PMM1: variants seen among roughly 807,000 people sequenced by gnomAD.
PMM1 encodes the protein brain glucose-1,6-bisphosphatase.
PMM1 carries 25 observed loss-of-function variants against 34.0 expected under a neutral mutation model. That is an observed-to-expected ratio of 0.73 (90% CI 0.54 to 1.03). PMM1 has a LOEUF of 1.03. PMM1 is among the 50% of genes least tolerant of loss of function. PMM1 has a pLI of 0.00. For synonymous variants in PMM1, 134 were observed against 143.9 expected, an observed-to-expected ratio of 0.93 and a Z score of 0.49; for missense variants, 321 against 350.1, an observed-to-expected ratio of 0.92 and a Z score of 0.66.
chr22:41,577,368 C>T lies in PMM1; in HGVS notation c.739G>A (p.Val247Met). Residue 247 changes from valine to methionine, a missense_variant, in exon 8 of 8, where the codon GTG (valine) becomes ATG (methionine). Physicochemically the swap from Val to Met is conservative, Grantham distance 21. Transcript: ENST00000216259. ...AAGAAAATCTCCCGGCATCGCTGCA[C>T]CGTGTCCTGAGGAGACACCACGCTG... is the stretch of plus-strand genomic sequence containing the variant. ...GHSVVSPQDT[V>M]QRCREIFFPE... The T allele has an allele frequency of 6.2e-7, 1 of 1,613,030 alleles. No homozygotes were observed. Among genetic ancestry groups the T allele is most frequent in the Non-Finnish European group, 8.5e-7 (1 of 1,180,028 alleles).
chr22:41,586,137 G>T lies in PMM1; in HGVS notation c.144C>A (p.Ile48=). The part of the protein sequence containing the change: ...FLQKLRSRVQ[I]GVVGGSDYCK... ...AGTAGTCAGAGCCGCCCACCACACC[G>T]ATCTGCACTCTACTTCGTAGCTTCT... Residue 48 remains isoleucine (I), a synonymous_variant, in exon 2 of 8, where the codon ATC becomes ATA. Transcript: ENST00000216259. 3.7e-6 allele frequency: 6 copies of T among 1,612,854 alleles called. No homozygotes were observed. Among genetic ancestry groups the T allele is most frequent in the Non-Finnish European group, 5.1e-6 (6 of 1,179,630 alleles).
At chr22:41,582,960 G>A (rs2067262892) in intron 5 of PMM1, among the ~76,000 whole-genome samples, 1 of 152,122 alleles carries the variant, frequency 6.6e-6, no homozygotes, top group African/African-American at 2.4e-5. Flanking sequence ...GGTTTAGCAG[G>A]GGCAGTACAG....
intron 1 of PMM1, among the ~76,000 whole-genome samples, chr22:41,588,274 C>G (rs761931650): frequency 7.0e-4 from 107 of 152,358 alleles, no homozygotes; most frequent in Non-Finnish European, 1.2e-3. Context: ...GGCTGTAGTG[C>G]AATGGCACAT....
At chr22:41,586,471 A>AAG (rs1555898794) in intron 1 of PMM1, 5 of 423,340 alleles carry the variant, frequency 1.2e-5, no homozygotes, top group East Asian at 1.0e-4. Context: ...GAAAAAAAAA[A>AAG]TTTTTTTGGA....
At chr22:41,584,179 C>CA (rs1219570506) in intron 4 of PMM1, 102 bp downstream of exon 4, 13 of 1,326,836 alleles carry the variant, frequency 9.8e-6, no homozygotes, top group South Asian at 4.7e-5. Context: ...ACACTCCCCG[C>CA]AAAAAATCAG....
Position 41,577,223 on chromosome 22 carries a change from AGAG to A in PMM1, c.*92_*94del. The stretch of plus-strand genomic sequence containing the variant: ...GGGCTTGCAGCAGGCGTCCTGGGCC[AGAG>A]GAGGGGCCCTGGCATCTATCCAACA... On this transcript the variant is annotated 3_prime_UTR_variant, in exon 8 of 8. Transcript: ENST00000216259. 9 of 1,550,862 alleles carry A rather than the reference AGAG, an allele frequency of 5.8e-6. No individual in the cohort carries two copies. The highest frequency in any genetic ancestry group is 7.9e-6 in the Non-Finnish European group (9 of 1,133,302).
chr22:41,577,406 CG>C lies in PMM1; in HGVS notation c.700del (p.Arg234GlyfsTer55). 2 of 1,612,544 alleles carry C rather than the reference CG, an allele frequency of 1.2e-6. No individual in the cohort carries two copies. ...AGACACCACGCTGTGGCCAACAGTC[CG>C]GGGGTCGGCAAAGATCTCAAAGTCG... is the stretch of plus-strand genomic sequence containing the variant. ...GNDFEIFADP[R>X]TVGHSVVSPQ... On this transcript the variant is annotated frameshift_variant, in exon 8 of 8. Transcript: ENST00000216259. LOFTEE classifies it high-confidence loss of function.
In PMM1 at chr22:41,584,563, C is replaced by T. The variant is rs146168181; in HGVS notation, c.246G>A (p.Thr82=). ...KFDYVFAENG[T]VQYKHGRLLS... is the part of the protein sequence containing the mutation. ...GCAGTCGTCCGTGCTTATACTGCAC[C>T]GTCCCGTTCTCGGCAAACACATAAT... The change falls in exon 3 of 8, where the codon ACG becomes ACA. Residue 82 remains threonine (T), a synonymous_variant. Coordinates refer to ENST00000216259, the MANE Select transcript of PMM1 (RefSeq NM_002676.3). The T allele has an allele frequency of 2.2e-4, 359 of 1,613,884 alleles. 1 individual carries two copies. In the African/African-American group the frequency reaches 3.5e-3, roughly 16 times the overall value.
At chr22:41,586,391 G>A in intron 1 of PMM1, 198 bp from the exon 2 acceptor site, 1 of 899,826 alleles carries the variant, frequency 1.1e-6, no homozygotes, top group Non-Finnish European at 1.6e-6. Flanking sequence ...GCGAGGCCAA[G>A]GCAGAAAGAT....
intron 5 of PMM1, among the ~76,000 whole-genome samples, chr22:41,582,004 C>T (rs577312659): frequency 6.7e-6 from 1 of 149,824 alleles, no homozygotes; most frequent in African/African-American, 2.5e-5. Context: ...ATTAGCCGGG[C>T]GTGGCAGCAT....
intron 5 of PMM1, chr22:41,579,181 T>G: frequency 2.6e-6 from 1 of 382,982 alleles, no homozygotes; most frequent in Non-Finnish European, 5.0e-6. Context: ...GACGGGGCAA[T>G]CTGGATCCCA....
chr22:41,588,685 C>T, intron 1 of PMM1: 1 of 985,474 alleles, frequency 1.0e-6, no homozygotes, highest in Non-Finnish European at 1.2e-6. Context: ...CTATCTTCCT[C>T]CCGGATCCAC....
chr22:41,586,383 G>A (rs1371165660), intron 1 of PMM1, 190 bp from the exon 2 acceptor site: 10 of 1,000,972 alleles, frequency 1.0e-5, no homozygotes, highest in African/African-American at 5.1e-5. Context: ...AACACTTTGC[G>A]AGGCCAAGGC....
chr22:41,577,776 G>A lies in PMM1; in HGVS notation c.666+32C>T, dbSNP rs77937657. ...GACCTGGCTTCTCACTGTCCACTGC[G>A]TTAGGGGAAACCTGGGGTGGGCCAC... On this transcript the variant is annotated intron_variant, in intron 7 of 7. Coordinates refer to ENST00000216259, the MANE Select transcript of PMM1 (RefSeq NM_002676.3). 4.9e-5 allele frequency: 76 copies of A among 1,537,368 alleles called. No homozygotes were observed. In the East Asian group the frequency reaches 1.3e-3, roughly 27 times the overall value.
rs533418402 is a variant in PMM1 at position 41,587,257 on chromosome 22, G to A, written c.88-1064C>T. 3.9e-3 allele frequency among the ~76,000 whole-genome samples: 571 copies of A among 146,714 alleles called. 3 individuals carry two copies. The highest frequency in any genetic ancestry group is 0.029 in the Middle Eastern group (8 of 278). ...TGCACTCCAGCCTGGGCGACAGAGC[G>A]AGACTCCGTCTCAAAAAAAAAAAGA... On this transcript the variant is annotated intron_variant, in intron 1 of 7. Transcript: ENST00000216259.
intron 5 of PMM1, 186 bp from the exon 6 acceptor site, chr22:41,579,067 G>A: frequency 1.7e-6 from 1 of 572,754 alleles, no homozygotes; most frequent in Non-Finnish European, 3.2e-6. Flanking sequence ...CCTGGTGGCA[G>A]AGCCAGGGCC....
rs374165330 is a variant in PMM1 at position 41,584,473 on chromosome 22, T to A, written c.282+54A>T. ...GCCCAGGACAGAAGCCCCCTTGGAC[T>A]GCTCCACTATGGAAAAGTGGGGTGC... On this transcript the variant is annotated intron_variant, in intron 3 of 7. Transcript: ENST00000216259. 64 of 1,571,222 alleles carry A rather than the reference T, an allele frequency of 4.1e-5. 1 individual carries two copies. The highest frequency in any genetic ancestry group is 8.8e-7 in the Non-Finnish European group (1 of 1,142,288).
intron 5 of PMM1, among the ~76,000 whole-genome samples, chr22:41,583,457 C>G (rs1482010286): frequency 6.6e-6 from 1 of 151,988 alleles, no homozygotes; most frequent in Non-Finnish European, 1.5e-5. Flanking sequence ...ACTCCAGCCT[C>G]TATCTATTTT....
At chr22:41,584,494 G>T in intron 3 of PMM1, 33 bp downstream of exon 3, 1 of 1,589,416 alleles carries the variant, frequency 6.3e-7, no homozygotes, top group East Asian at 2.2e-5. Context: ...GGAAAAGTGG[G>T]GTGCCCCTGG....
Sources: allele counts gnomAD v4.1 joint callset (sites outside exome capture counted in the v4.1 genomes callset), GRCh38; gene constraint gnomAD v4.1.1; transcripts MANE v1.5; gene names NCBI Gene and HGNC (gene_info 2026-07-23, HGNC 2026-07-21).